Variants in CLIC2 observed in about 807,000 individuals in gnomAD.
CLIC2 encodes CLIC family member 2, also known as chloride intracellular channel protein 2.
In CLIC2, 9 loss-of-function variants were observed where a neutral mutation model predicts 14.8. That is an observed-to-expected ratio of 0.61 (90% CI 0.37 to 1.06). CLIC2 has a LOEUF of 1.06. Among genes scored for constraint, CLIC2 ranks in the 50% least tolerant of loss-of-function variants. The pLI, the probability that CLIC2 is intolerant of heterozygous loss-of-function variation, is 0.01. For missense variants in CLIC2, 148 were observed against 181.4 expected, an observed-to-expected ratio of 0.82 and a Z score of 1.06; for synonymous variants, 61 against 66.3, an observed-to-expected ratio of 0.92 and a Z score of 0.39.
chrX:155,324,521 C>T (rs1557322092), intron 1 of CLIC2, among the ~76,000 whole-genome samples: 1 of 111,707 alleles, frequency 9.0e-6, no homozygotes, highest in Non-Finnish European at 1.9e-5. Context: ...GGGAAAGATT[C>T]CCTATTTAAT....
intron 3 of CLIC2, among the ~76,000 whole-genome samples, chrX:155,285,364 T>C (rs781848045): frequency 1.8e-5 from 2 of 111,833 alleles, no homozygotes; most frequent in African/African-American, 6.5e-5. Flanking sequence ...ATTTTTAATA[T>C]ATTTGACTGC....
At chrX:155,292,789 A>ACAAACAAG (rs1282111677) in intron 3 of CLIC2, 2 of 636,615 alleles carry the variant, frequency 3.1e-6, no homozygotes, top group Non-Finnish European at 5.1e-6. Context: ...AAACAAACAA[A>ACAAACAAG]CAAACAAACA....
rs782172628 is a variant in CLIC2 at position 155,324,635 on chromosome X, A to G, written c.57+9736T>C. 2.7e-5 allele frequency among the ~76,000 whole-genome samples: 3 copies of G among 112,150 alleles called. No homozygotes were observed. The South Asian group carries it at 1.1e-3, about 41-fold the overall frequency. The stretch of plus-strand genomic sequence containing the variant: ...AACTCAAGATGGATTAAAAACTTAA[A>G]CATAAGACCTAAAACCATAAAAACC... On this transcript the variant is annotated intron_variant, in intron 1 of 5. Coordinates refer to ENST00000369449, the MANE Select transcript of CLIC2 (RefSeq NM_001289.6).
At chrX:155,282,555 GTCC>G (rs1434694795) in intron 3 of CLIC2, among the ~76,000 whole-genome samples, 1 of 111,028 alleles carries the variant, frequency 9.0e-6, no homozygotes, top group Non-Finnish European at 1.9e-5. Flanking sequence ...TAGCCCCAAT[GTCC>G]AGGCCATCCC....
At chrX:155,287,586 G>A (rs971625320) in intron 3 of CLIC2, among the ~76,000 whole-genome samples, 112 of 111,206 alleles carry the variant, frequency 1.0e-3, no homozygotes, top group African/African-American at 3.5e-3. Context: ...CACCTGCCTC[G>A]GCCTCCAAAA....
chrX:155,327,091 C>T (rs1327822762), intron 1 of CLIC2, among the ~76,000 whole-genome samples: 3 of 111,237 alleles, frequency 2.7e-5, no homozygotes, highest in Non-Finnish European at 5.7e-5. Flanking sequence ...AAAGGGCACA[C>T]AGCATCTCTC....
intron 3 of CLIC2, among the ~76,000 whole-genome samples, chrX:155,287,621 C>T (rs2124158743): frequency 8.9e-6 from 1 of 112,014 alleles, no homozygotes; most frequent in African/African-American, 3.2e-5. Context: ...GGTGTTGTAT[C>T]AGTACCATGC....
chrX:155,313,924 A>G (rs1044489675), intron 1 of CLIC2, among the ~76,000 whole-genome samples: 1 of 111,196 alleles, frequency 9.0e-6, no homozygotes, highest in Admixed American at 9.5e-5. Context: ...GCTTTCCCCT[A>G]CTTCCTTGGT....
At chrX:155,319,256 T>C in intron 1 of CLIC2, among the ~76,000 whole-genome samples, 1 of 111,160 alleles carries the variant, frequency 9.0e-6, no homozygotes, top group Non-Finnish European at 1.9e-5. Flanking sequence ...AAGAAATAAC[T>C]GGGGGCTGGC....
rs1217653126 is a variant in CLIC2, at chrX:155,283,700, GT to G, written c.294-3633del. On this transcript the variant is annotated intron_variant, in intron 3 of 5. Transcript: ENST00000369449. ...CTTTCTTGTTTCCTCACATGCCTCA[GT>G]TTTTTTTTTTTCTTGAAAACCAGAT... 7.8e-3 allele frequency among the ~76,000 whole-genome samples: 809 copies of G among 104,160 alleles called. 7 individuals carry two copies. Among genetic ancestry groups the G allele is most frequent in the African/African-American group, 0.024 (704 of 28,856 alleles). The allele number at this position is 104,160 out of a possible 115,157, so 90.5% of individuals were successfully genotyped here.
intron 3 of CLIC2, among the ~76,000 whole-genome samples, chrX:155,284,466 T>C (rs782246118): frequency 1.5e-4 from 17 of 109,872 alleles, no homozygotes; most frequent in African/African-American, 5.6e-4. Flanking sequence ...TCCATGTTGG[T>C]CAGGCTGGTC....
At chrX:155,297,854 C>A (rs1309432147) in intron 3 of CLIC2, among the ~76,000 whole-genome samples, 1 of 44,219 alleles carries the variant, frequency 2.3e-5, no homozygotes, top group East Asian at 8.1e-4. Context: ...AGCGAGACTC[C>A]GGTCTCAAAA....
chrX:155,283,565 C>A (rs812476), intron 3 of CLIC2, among the ~76,000 whole-genome samples: 2 of 109,960 alleles, frequency 1.8e-5, no homozygotes, highest in Non-Finnish European at 3.8e-5. Context: ...CTCCCCACCC[C>A]CCGACAGGCC....
intron 3 of CLIC2, among the ~76,000 whole-genome samples, chrX:155,282,092 C>T (rs782204517): frequency 9.0e-6 from 1 of 111,604 alleles, no homozygotes; most frequent in East Asian, 2.8e-4. Context: ...TGACACAGAC[C>T]TTCTTGCTAC....
chrX:155,295,941 C>T (rs2074990455), intron 3 of CLIC2, among the ~76,000 whole-genome samples: 3 of 111,240 alleles, frequency 2.7e-5, no homozygotes, highest in African/African-American at 9.8e-5. Context: ...GTGATTTTCC[C>T]AAAGTAACCT....
chrX:155,293,290 C>T (rs782543813), intron 3 of CLIC2: 23 of 1,023,642 alleles, frequency 2.2e-5, no homozygotes, highest in Middle Eastern at 3.6e-4. Context: ...CAACTCAGTT[C>T]CTGGGTACAA....
intron 3 of CLIC2, among the ~76,000 whole-genome samples, chrX:155,281,175 A>G (rs183733152): frequency 1.8e-5 from 2 of 109,037 alleles, no homozygotes; most frequent in East Asian, 2.9e-4. Context: ...GGTCAAATAT[A>G]TAGAAAAAAG....
chrX:155,282,195 C>A (rs1018550589), intron 3 of CLIC2, among the ~76,000 whole-genome samples: 4 of 111,990 alleles, frequency 3.6e-5, no homozygotes, highest in African/African-American at 9.8e-5. Context: ...CTTGCTCCCA[C>A]TTTTCTTTCA....
chrX:155,291,081 C>T, intron 3 of CLIC2: 4 of 905,568 alleles, frequency 4.4e-6, no homozygotes, highest in East Asian at 3.1e-5. Flanking sequence ...TGCATATAAC[C>T]TTTTTTGACG....
Sources: allele counts gnomAD v4.1 joint callset (sites outside exome capture counted in the v4.1 genomes callset), GRCh38; gene constraint gnomAD v4.1.1; transcripts MANE v1.5; gene names NCBI Gene and HGNC (gene_info 2026-07-23, HGNC 2026-07-21).